TBC1D5: variants seen among roughly 807,000 people sequenced by gnomAD.
TBC1D5 encodes TBC1 domain family member 5, also known as TBC1 domain family, member 5.
Under a neutral mutation model 100.3 loss-of-function variants are expected in TBC1D5, and 75 were observed. That is an observed-to-expected ratio of 0.75 (90% CI 0.62 to 0.91). The LOEUF (loss-of-function observed/expected upper bound fraction) is 0.91. TBC1D5 is among the 40% of genes least tolerant of loss of function. The pLI is 0.00. For missense variants in TBC1D5, 910 were observed against 942.4 expected (o/e 0.97, Z 0.45); for synonymous variants, 323 against 325.6 (o/e 0.99, Z 0.09).
chr3:17,501,440 A>G (rs1460674043), intron 3 of TBC1D5, among the ~76,000 whole-genome samples: 1 of 149,350 alleles, frequency 6.7e-6, no homozygotes, highest in Non-Finnish European at 1.5e-5. Flanking sequence ...TAAAACACAT[A>G]ACATTTTAGA....
At chr3:17,388,158 A>G (rs954648369) in intron 8 of TBC1D5, among the ~76,000 whole-genome samples, 1 of 152,090 alleles carries the variant, frequency 6.6e-6, no homozygotes, top group African/African-American at 2.4e-5. Flanking sequence ...TTTAGACTCA[A>G]CTGATCAGTA....
intron 15 of TBC1D5, among the ~76,000 whole-genome samples, chr3:17,267,311 T>A (rs1238690069): frequency 2.0e-5 from 3 of 152,054 alleles, no homozygotes; most frequent in African/African-American, 7.2e-5. Context: ...GGCCTCAAAA[T>A]ATGTCTTTTA....
chr3:17,403,846 G>A (rs2093704396), intron 7 of TBC1D5, among the ~76,000 whole-genome samples: 1 of 152,042 alleles, frequency 6.6e-6, no homozygotes, highest in African/African-American at 2.4e-5. Context: ...ACTTTTCACT[G>A]CCATATGCTA....
At chr3:17,497,495 T>C (rs975314622) in intron 3 of TBC1D5, among the ~76,000 whole-genome samples, 4 of 152,236 alleles carry the variant, frequency 2.6e-5, no homozygotes, top group South Asian at 2.1e-4. Context: ...ATAAAATATA[T>C]GTGCCCCTAA....
intron 2 of TBC1D5, among the ~76,000 whole-genome samples, chr3:17,607,561 A>G (rs2061407733): frequency 6.6e-6 from 1 of 151,608 alleles, no homozygotes; most frequent in Non-Finnish European, 1.5e-5. Context: ...AAAAAAAAAA[A>G]GCTTCAGTAC....
intron 2 of TBC1D5, among the ~76,000 whole-genome samples, chr3:17,615,435 A>T (rs1235845129): frequency 6.6e-6 from 1 of 152,088 alleles, no homozygotes; most frequent in Non-Finnish European, 1.5e-5. Context: ...TTTTCTATTG[A>T]TTGGAATACT....
intron 13 of TBC1D5, among the ~76,000 whole-genome samples, chr3:17,369,933 TATA>T (rs1267666223): frequency 6.6e-6 from 1 of 152,178 alleles, no homozygotes. Flanking sequence ...TCTATTAAAA[TATA>T]ATGAGCTAAA....
At chr3:17,434,119 G>A (rs548766849) in intron 3 of TBC1D5, among the ~76,000 whole-genome samples, 2 of 152,294 alleles carry the variant, frequency 1.3e-5, no homozygotes, top group South Asian at 4.1e-4. Context: ...TTTACCAGGT[G>A]CACAATGCAA....
intron 16 of TBC1D5, among the ~76,000 whole-genome samples, chr3:17,244,361 T>C (rs2076552473): frequency 6.6e-6 from 1 of 152,212 alleles, no homozygotes; most frequent in South Asian, 2.1e-4. Flanking sequence ...AAGAGGCTTG[T>C]ATACTAGTAT....
chr3:17,650,170 A>G, intron 1 of TBC1D5, among the ~76,000 whole-genome samples: 1 of 152,134 alleles, frequency 6.6e-6, no homozygotes, highest in Non-Finnish European at 1.5e-5. Context: ...AAGGGATAGC[A>G]TTAGGAGAAA....
chr3:17,308,266 A>G lies in TBC1D5; in HGVS notation c.996-132T>C, dbSNP rs373584689. 1.4e-4 allele frequency: 120 copies of G among 838,694 alleles called. No individual in the cohort carries two copies. In the East Asian group the frequency reaches 3.1e-3, roughly 22 times the overall value. 52.0% of individuals were successfully genotyped at this position (838,694 alleles called of 1,614,324 possible). A position where few individuals can be genotyped will look rare whatever the true frequency, so the allele number is the denominator to read the frequency against. ...ATATTATATATCAAAAATATAATATAGTAAAATCTATATTTTAAGCTTTCA... is the reference window on the plus strand; with the variant it reads ...ATATTATATATCAAAAATATAATATGGTAAAATCTATATTTTAAGCTTTCA... On this transcript the variant is annotated intron_variant, in intron 13 of 21. Transcript: ENST00000253692.
intron 4 of TBC1D5, among the ~76,000 whole-genome samples, chr3:17,421,601 A>T (rs996163402): frequency 1.3e-5 from 2 of 152,212 alleles, no homozygotes; most frequent in African/African-American, 4.8e-5. Context: ...AGAGAGGGAA[A>T]GAAAAGGTGA....
chr3:17,606,104 C>A (rs374610345), intron 2 of TBC1D5, among the ~76,000 whole-genome samples: 1 of 152,264 alleles, frequency 6.6e-6, no homozygotes. Context: ...CAATCAGAAG[C>A]TCCTGAGAAG....
chr3:17,307,642 C>T (rs1277831274), intron 14 of TBC1D5, among the ~76,000 whole-genome samples: 1 of 152,040 alleles, frequency 6.6e-6, no homozygotes, highest in African/African-American at 2.4e-5. Flanking sequence ...TATTCCCTAC[C>T]TGTCAGAAGG....
chr3:17,469,319 C>T (rs2095345775), intron 3 of TBC1D5, among the ~76,000 whole-genome samples: 1 of 152,144 alleles, frequency 6.6e-6, no homozygotes, highest in East Asian at 1.9e-4. Context: ...CGAGTCACAT[C>T]TTTATTTCCA....
At chr3:17,629,323 T>C (rs2063311905) in intron 1 of TBC1D5, among the ~76,000 whole-genome samples, 1 of 152,196 alleles carries the variant, frequency 6.6e-6, no homozygotes, top group Non-Finnish European at 1.5e-5. Context: ...TAGTATAATC[T>C]AATAAAAAAT....
chr3:17,423,930 A>G (rs1284747213), intron 4 of TBC1D5, among the ~76,000 whole-genome samples: 1 of 152,204 alleles, frequency 6.6e-6, no homozygotes, highest in East Asian at 1.9e-4. Context: ...ATTGACTATT[A>G]AGCCAAGTTT....
rs766117478 is a variant in TBC1D5 at position 17,674,369 on chromosome 3, TGA to T, written c.-100-50458_-100-50457del. ...ACTTTTTGTCACCATGAAGAAAATA[TGA>T]GAGATATTAATTTCCATAAAAACTG... On this transcript the variant is annotated intron_variant, in intron 1 of 21. Transcript: ENST00000253692. 3.7e-4 allele frequency among the ~76,000 whole-genome samples: 57 copies of T among 152,346 alleles called. 1 individual carries two copies. Among genetic ancestry groups the T allele is most frequent in the East Asian group, 1.9e-3 (10 of 5,192 alleles).
intron 13 of TBC1D5, among the ~76,000 whole-genome samples, chr3:17,327,402 T>C (rs989863596): frequency 2.6e-5 from 4 of 152,250 alleles, no homozygotes; most frequent in African/African-American, 9.6e-5. Context: ...AATAAAAATC[T>C]ATGTCCTTAA....
Sources: gnomAD v4.1 joint callset for allele counts (sites outside exome capture counted in the v4.1 genomes callset) on GRCh38, gnomAD v4.1.1 for gene constraint, MANE v1.5 for transcripts, NCBI Gene and HGNC (gene_info 2026-07-23, HGNC 2026-07-21) for gene names.